The following PAICS variants were observed in gnomAD, a reference collection of about 807,000 sequenced individuals.
PAICS encodes bifunctional phosphoribosylaminoimidazole carboxylase/phosphoribosylaminoimidazole succinocarboxamide synthetase.
A neutral mutation model predicts 53.7 loss-of-function variants in PAICS; 33 were observed. The ratio of observed to expected loss-of-function variants is 0.61; its 90% CI spans 0.47 to 0.82. The LOEUF (loss-of-function observed/expected upper bound fraction) is 0.82. PAICS is among the 40% of genes least tolerant of loss of function. PAICS has a pLI of 0.00. For missense variants in PAICS, 394 were observed against 494.1 expected (o/e 0.80, Z 1.92); for synonymous variants, 141 against 167.2 (o/e 0.84, Z 1.21).
At chr4:56,438,639 A>G (rs1718177520) in intron 1 of PAICS, among the ~76,000 whole-genome samples, 2 of 151,728 alleles carry the variant, frequency 1.3e-5, no homozygotes, top group Non-Finnish European at 2.9e-5. Flanking sequence ...GGGTTTTGCC[A>G]TGTTGGCCAA....
chr4:56,415,931 G>A, the PAICS span, among the ~76,000 whole-genome samples: 8 of 152,058 alleles, frequency 5.3e-5, no homozygotes, highest in Non-Finnish European at 7.4e-5. Context: ...TTAGCCGGGC[G>A]TGGTGGCAGA....
intron 8 of PAICS, among the ~76,000 whole-genome samples, chr4:56,456,214 C>T (rs902034111): frequency 6.6e-6 from 1 of 152,154 alleles, no homozygotes; most frequent in African/African-American, 2.4e-5. Flanking sequence ...GCCTCAACCT[C>T]CTGAGTACCT....
upstream of PAICS, among the ~76,000 whole-genome samples, chr4:56,432,525 CAAAA>C (rs34998854): frequency 8.0e-5 from 6 of 75,348 alleles, no homozygotes; most frequent in Admixed American, 1.5e-4. Flanking sequence ...GACCCTGTCT[CAAAA>C]AAAAAAAAAA....
chr4:56,456,118 G>C (rs1719182670), intron 8 of PAICS, among the ~76,000 whole-genome samples: 1 of 152,040 alleles, frequency 6.6e-6, no homozygotes, highest in South Asian at 2.1e-4. Flanking sequence ...TTGAGACGGA[G>C]TCGGGCTCTC....
chr4:56,429,878 T>C, the PAICS span, among the ~76,000 whole-genome samples: 1 of 152,238 alleles, frequency 6.6e-6, no homozygotes, highest in African/African-American at 2.4e-5. Context: ...TTTTCTTTCA[T>C]TCAACATTGT....
intron 7 of PAICS, 73 bp downstream of exon 7, chr4:56,452,125 T>C: frequency 1.1e-6 from 1 of 943,022 alleles, no homozygotes; most frequent in Non-Finnish European, 1.6e-6. Context: ...TTTAGACTAA[T>C]AATGCTGAAA....
At chr4:56,436,621 G>C (rs1277664408) in intron 1 of PAICS, 6 of 664,304 alleles carry the variant, frequency 9.0e-6, no homozygotes, top group African/African-American at 5.3e-5. Context: ...AATCAGTCTT[G>C]ATTCGTCAAA....
At chr4:56,446,269 T>C (rs1718610926) in intron 2 of PAICS, 2 of 542,772 alleles carry the variant, frequency 3.7e-6, no homozygotes, top group East Asian at 4.6e-5. Flanking sequence ...CCAAACAAAC[T>C]GTGTAGCATT....
chr4:56,463,205 G>C lies in PAICS; in HGVS notation c.*3667G>C, dbSNP rs1358260713. On this transcript the variant is annotated 3_prime_UTR_variant, in exon 9 of 9. Transcript: ENST00000512576. ...AGCTTCCCACACCTCAAATACTTGG[G>C]GTGGAATTGTTAATCTCACATTGCA... is the stretch of plus-strand genomic sequence containing the variant. 6.6e-6 allele frequency: 1 copy of C among 151,986 alleles called. No homozygotes were observed. The highest frequency in any genetic ancestry group is 1.9e-4 in the East Asian group (1 of 5,162). The allele number at this position is 151,986 out of a possible 1,614,324, so 9.4% of individuals were successfully genotyped here. A position where few individuals can be genotyped will look rare whatever the true frequency, so the allele number is the denominator to read the frequency against.
At chr4:56,418,253 T>C in the PAICS span, among the ~76,000 whole-genome samples, 1 of 152,198 alleles carries the variant, frequency 6.6e-6, no homozygotes, top group Non-Finnish European at 1.5e-5. Context: ...CAATGAGCAG[T>C]GGTCTCTCCA....
At chr4:56,442,962 G>GCAA (rs1718414756) in intron 2 of PAICS, among the ~76,000 whole-genome samples, 1 of 152,198 alleles carries the variant, frequency 6.6e-6, no homozygotes, top group Non-Finnish European at 1.5e-5. Context: ...AACCTGGATT[G>GCAA]TCATCTACAT....
At chr4:56,435,335 C>A (rs767037962), upstream of PAICS, 2 of 1,613,564 alleles carry the variant, frequency 1.2e-6, no homozygotes, top group Non-Finnish European at 1.7e-6. Context: ...CCGCCACCCC[C>A]ACCCTGTTGC....
chr4:56,436,167 C>A, upstream of PAICS: 3 of 1,496,428 alleles, frequency 2.0e-6, no homozygotes, highest in Non-Finnish European at 2.7e-6. Context: ...CCGGGTTAGG[C>A]GGCTGTAGCG....
At chr4:56,411,178 A>G in the PAICS span, among the ~76,000 whole-genome samples, 2 of 152,188 alleles carry the variant, frequency 1.3e-5, no homozygotes, top group African/African-American at 2.4e-5. Flanking sequence ...ACTGCATGTG[A>G]TATGTTTTTG....
At chr4:56,427,812 G>T in the PAICS span, among the ~76,000 whole-genome samples, 2 of 152,124 alleles carry the variant, frequency 1.3e-5, no homozygotes, top group Non-Finnish European at 2.9e-5. Context: ...CCACTGCAGG[G>T]TCTAAATTGG....
At chr4:56,443,917 G>A (rs1314430090) in intron 2 of PAICS, among the ~76,000 whole-genome samples, 2 of 152,162 alleles carry the variant, frequency 1.3e-5, no homozygotes, top group Non-Finnish European at 2.9e-5. Context: ...TGGTTCACAG[G>A]AAATGTTGAA....
upstream of PAICS, among the ~76,000 whole-genome samples, chr4:56,433,839 A>G (rs986832840): frequency 1.3e-5 from 2 of 152,058 alleles, no homozygotes; most frequent in Admixed American, 6.6e-5. Flanking sequence ...GGACTACAGG[A>G]GCGCATCACC....
At chr4:56,416,616 G>A in the PAICS span, among the ~76,000 whole-genome samples, 2 of 152,110 alleles carry the variant, frequency 1.3e-5, no homozygotes, top group African/African-American at 2.4e-5. Context: ...ATTTCCTTAC[G>A]AAATTTAAGT....
chr4:56,448,605 TA>T lies in PAICS; in HGVS notation c.573+12del. On this transcript the variant is annotated intron_variant, in intron 4 of 8. Transcript: ENST00000512576. Reference sequence around the variant, plus strand: ...ACACTGGTTGATATGAAGGTACAGATAAAACAAGTACAGATAAAACAACAGG... The same window carrying T: ...ACACTGGTTGATATGAAGGTACAGATAAACAAGTACAGATAAAACAACAGG... 6.4e-7 allele frequency: 1 copy of T among 1,553,266 alleles called. No homozygotes were observed. The highest frequency in any genetic ancestry group is 1.7e-4 in the Middle Eastern group (1 of 5,860).
Sources: allele counts gnomAD v4.1 joint callset (sites outside exome capture counted in the v4.1 genomes callset), GRCh38; gene constraint gnomAD v4.1.1; transcripts MANE v1.5; gene names NCBI Gene and HGNC (gene_info 2026-07-23, HGNC 2026-07-21).